Variants in DYNC2I1 observed in about 807,000 individuals in gnomAD.
DYNC2I1 encodes the protein dynein 2 intermediate chain 1, also known as cytoplasmic dynein 2 intermediate chain 1.
In DYNC2I1, 89 loss-of-function variants were observed where a neutral mutation model predicts 133.4. That is an observed-to-expected ratio of 0.67 (90% confidence interval 0.56 to 0.80). DYNC2I1 has a LOEUF of 0.80. DYNC2I1 is among the 30% of genes least tolerant of loss of function. The probability of loss-of-function intolerance (pLI) is 0.00; values close to 1 mark genes in which losing one functional copy is unlikely to be tolerated. For synonymous variants in DYNC2I1, 504 were observed against 484.3 expected, an observed-to-expected ratio of 1.04 and a Z score of -0.54; for missense variants, 1,291 against 1,314.5, an observed-to-expected ratio of 0.98 and a Z score of 0.28.
intron 14 of DYNC2I1, among the ~76,000 whole-genome samples, chr7:158,915,809 G>C (rs1235175385): frequency 9.5e-5 from 14 of 147,986 alleles, no homozygotes; most frequent in Non-Finnish European, 1.8e-4. Flanking sequence ...CGACACGCTG[G>C]TTGACATTAA....
In DYNC2I1 at chr7:158,873,671, G is replaced by A. The variant is rs117189831; in HGVS notation, c.490+2109G>A. On this transcript the variant is annotated intron_variant, in intron 3 of 24. Transcript: ENST00000407559. ...AGTCAGGGTCTTGCCCTGTCGCCCA[G>A]GTTGTAGTGCAGTGGTGTGATCACA... Among the ~76,000 whole-genome samples, 559 of 152,292 alleles carry A rather than the reference G, an allele frequency of 3.7e-3. 2 individuals carry two copies. The highest frequency in any genetic ancestry group is 6.8e-3 in the Middle Eastern group (2 of 294).
At chr7:158,884,762 T>G in intron 6 of DYNC2I1, 143 bp downstream of exon 6, 2 of 715,236 alleles carry the variant, frequency 2.8e-6, no homozygotes, top group Non-Finnish European at 4.1e-6. Context: ...ATTTTACCCC[T>G]TAGCCCCTCC....
chr7:158,934,869 G>GA (rs1445414176), intron 23 of DYNC2I1, among the ~76,000 whole-genome samples: 1 of 152,282 alleles, frequency 6.6e-6, no homozygotes, highest in East Asian at 1.9e-4. Flanking sequence ...TGATCCATTG[G>GA]AAAATTTTAA....
intron 14 of DYNC2I1, among the ~76,000 whole-genome samples, chr7:158,918,034 TCTCA>T (rs1362786163): frequency 2.0e-5 from 3 of 152,068 alleles, no homozygotes; most frequent in Non-Finnish European, 4.4e-5. Context: ...CACAGTCAGC[TCTCA>T]CTCAACATTT....
At chr7:158,866,951 C>T (rs1455039874) in intron 1 of DYNC2I1, among the ~76,000 whole-genome samples, 14 of 149,204 alleles carry the variant, frequency 9.4e-5, no homozygotes, top group African/African-American at 2.9e-4. Context: ...CCCTAATTTT[C>T]ACATTCCAGG....
chr7:158,939,894 G>A (rs1851162434), intron 23 of DYNC2I1, among the ~76,000 whole-genome samples: 1 of 152,154 alleles, frequency 6.6e-6, no homozygotes, highest in East Asian at 1.9e-4. Flanking sequence ...TAATGATAAT[G>A]GGTGAATTTA....
At chr7:158,858,082 C>T (rs1410163031) in intron 1 of DYNC2I1, among the ~76,000 whole-genome samples, 2 of 152,132 alleles carry the variant, frequency 1.3e-5, no homozygotes, top group Non-Finnish European at 2.9e-5. Flanking sequence ...TGAGCCACCG[C>T]GCTAGGCCAA....
intron 21 of DYNC2I1, among the ~76,000 whole-genome samples, chr7:158,933,684 A>G (rs966978234): frequency 6.6e-6 from 1 of 152,220 alleles, no homozygotes; most frequent in Non-Finnish European, 1.5e-5. Context: ...CCTGGTGGGT[A>G]AAGATATGTT....
intron 19 of DYNC2I1, 77 bp downstream of exon 19, chr7:158,926,540 A>AG: frequency 1.4e-6 from 2 of 1,480,784 alleles, no homozygotes; most frequent in Non-Finnish European, 9.3e-7. Context: ...TGAATGGCGC[A>AG]GGGGGCGGGA....
intron 10 of DYNC2I1, 35 bp from the exon 11 acceptor site, chr7:158,905,954 G>A (rs184168091): frequency 7.2e-5 from 111 of 1,545,346 alleles, no homozygotes; most frequent in African/African-American, 2.3e-4. Flanking sequence ...ACATATTTCC[G>A]TGTTGGAAAA....
intron 24 of DYNC2I1, among the ~76,000 whole-genome samples, chr7:158,942,813 G>C (rs1008228667): frequency 6.6e-6 from 1 of 152,366 alleles, no homozygotes; most frequent in East Asian, 1.9e-4. Context: ...AGGCAGACCA[G>C]TATGGCTGGG....
At chr7:158,848,343 C>T in the DYNC2I1 span, among the ~76,000 whole-genome samples, 1 of 152,096 alleles carries the variant, frequency 6.6e-6, no homozygotes, top group Non-Finnish European at 1.5e-5. Context: ...TGTCTATTAT[C>T]CAGGTCATGG....
rs753197787 is a variant in DYNC2I1 at position 158,918,888 on chromosome 7, A to C, written c.1921+19A>C. On this transcript the variant is annotated intron_variant, in intron 15 of 24. Transcript: ENST00000407559. ...CTTCAAAGTAAGAGGCTGTTCTCAA[A>C]TATGATTTTAAATCCAGTGACTAAA... 6.2e-7 allele frequency: 1 copy of C among 1,605,752 alleles called. No individual in the cohort carries two copies. Among genetic ancestry groups the C allele is most frequent in the South Asian group, 1.1e-5 (1 of 90,362 alleles).
chr7:158,942,048 G>A lies in DYNC2I1; in HGVS notation c.2902G>A (p.Ala968Thr). The change falls in exon 24 of 25, where the codon GCC (alanine) becomes ACC (threonine). Residue 968 changes from alanine (A) to threonine (T), a missense_variant. Transcript: ENST00000407559. ...TGLQWSPTRP[A>T]VFLVQDDTSN... ...CCTGCAGTGGTCCCCAACCAGGCCTGCCGTGTTCCTGGTGCAGGACGACAC... is the reference window on the plus strand; with the variant it reads ...CCTGCAGTGGTCCCCAACCAGGCCTACCGTGTTCCTGGTGCAGGACGACAC... 1 of 1,613,206 alleles carries A rather than the reference G, an allele frequency of 6.2e-7. No homozygotes were observed. Among genetic ancestry groups the A allele is most frequent in the Non-Finnish European group, 8.5e-7 (1 of 1,179,606 alleles).
At chr7:158,947,661 A>G (rs541148606), downstream of DYNC2I1, among the ~76,000 whole-genome samples, 90 of 152,340 alleles carry the variant, frequency 5.9e-4, no homozygotes, top group African/African-American at 2.1e-3. Context: ...AGGGAGGACC[A>G]TCTGCAGCTC....
intron 8 of DYNC2I1, among the ~76,000 whole-genome samples, chr7:158,901,451 C>T (rs1846252606): frequency 1.3e-5 from 2 of 152,140 alleles, no homozygotes; most frequent in African/African-American, 4.8e-5. Context: ...AAATGGATTG[C>T]TGCACATTTG....
At chr7:158,888,473 A>G (rs1242430149) in intron 7 of DYNC2I1, among the ~76,000 whole-genome samples, 2 of 150,302 alleles carry the variant, frequency 1.3e-5, no homozygotes, top group Non-Finnish European at 3.0e-5. Flanking sequence ...ACATACATAT[A>G]TATATATATA....
the DYNC2I1 span, among the ~76,000 whole-genome samples, chr7:158,845,446 A>T: frequency 2.0e-5 from 3 of 152,220 alleles, no homozygotes; most frequent in African/African-American, 7.2e-5. Context: ...TTATTGATCA[A>T]GTGGTTTCAT....
At chr7:158,841,210 TATATA>T in the DYNC2I1 span, among the ~76,000 whole-genome samples, 270 of 84,106 alleles carry the variant, frequency 3.2e-3, 16 homozygotes, top group Non-Finnish European at 4.6e-3. Context: ...TATATATATA[TATATA>T]TATATATTTT....
Sources: gnomAD v4.1 joint callset for allele counts (sites outside exome capture counted in the v4.1 genomes callset) on GRCh38, gnomAD v4.1.1 for gene constraint, MANE v1.5 for transcripts, NCBI Gene and HGNC (gene_info 2026-07-23, HGNC 2026-07-21) for gene names.